Variants in RARB observed in about 807,000 individuals in gnomAD.
The protein encoded by RARB is HBV-activated protein.
Under a neutral mutation model 51.9 loss-of-function variants are expected in RARB, and 17 were observed. The ratio of observed to expected loss-of-function variants is 0.33; its 90% CI spans 0.22 to 0.49. RARB has a LOEUF of 0.49. Ranked by LOEUF, RARB falls within the 20% of genes least tolerant of loss-of-function variation. The probability of loss-of-function intolerance (pLI) is 0.99; values close to 1 mark genes in which losing one functional copy is unlikely to be tolerated. For missense variants in RARB, 369 were observed against 550.8 expected, an observed-to-expected ratio of 0.67 and a Z score of 3.30; for synonymous variants, 215 against 195.4, an observed-to-expected ratio of 1.10 and a Z score of -0.84.
intron 2 of RARB, among the ~76,000 whole-genome samples, chr3:25,005,446 C>T (rs969341731): frequency 6.6e-6 from 1 of 152,120 alleles, no homozygotes; most frequent in African/African-American, 2.4e-5. Context: ...CAAGGTGACT[C>T]GCTTAAAGTG....
At chr3:25,424,318 T>G (rs1463358708), upstream of RARB, among the ~76,000 whole-genome samples, 1 of 152,190 alleles carries the variant, frequency 6.6e-6, no homozygotes, top group Non-Finnish European at 1.5e-5. Flanking sequence ...GTGTTCATAC[T>G]GAAGGGCCAC....
rs1177900116 is a variant in RARB, at chr3:25,428,774, A to T, written c.43A>T (p.Ile15Phe). Reference sequence around the variant, plus strand: ...TGTTCTGTCAGTGAGTCCTGGGCAAATCCTGGATTTCTACACTGCGAGTCC... The same window carrying T: ...TGTTCTGTCAGTGAGTCCTGGGCAATTCCTGGATTTCTACACTGCGAGTCC... ...MDVLSVSPGQ[I>F]LDFYTASPSS... The change falls in exon 1 of 8, where the codon ATC becomes TTC. Residue 15 changes from isoleucine (I) to phenylalanine (F), a missense_variant. Transcript: ENST00000330688. The T allele has an allele frequency of 6.2e-7, 1 of 1,614,080 alleles. No homozygotes were observed. The highest frequency in any genetic ancestry group is 1.1e-5 in the South Asian group (1 of 91,074).
At chr3:25,263,862 A>G (rs896278462) in intron 5 of RARB, among the ~76,000 whole-genome samples, 5 of 152,190 alleles carry the variant, frequency 3.3e-5, no homozygotes, top group African/African-American at 1.2e-4. Context: ...CTCCCAGTCA[A>G]CAAATTCTGT....
intron 5 of RARB, among the ~76,000 whole-genome samples, chr3:25,221,423 A>G (rs1255368107): frequency 6.6e-6 from 1 of 152,218 alleles, no homozygotes; most frequent in African/African-American, 2.4e-5. Context: ...TGTCAGGCCC[A>G]GTACCTTGCC....
intron 3 of RARB, among the ~76,000 whole-genome samples, chr3:25,074,849 G>T (rs182970475): frequency 6.6e-6 from 1 of 152,120 alleles, no homozygotes; most frequent in African/African-American, 2.4e-5. Context: ...ACTGGGGCCA[G>T]GACTCTTTTC....
At chr3:25,120,527 A>ATCTCCCTCTCTC (rs1699766154) in intron 3 of RARB, among the ~76,000 whole-genome samples, 3 of 136,062 alleles carry the variant, frequency 2.2e-5, no homozygotes, top group African/African-American at 8.4e-5. Context: ...ATATATAAAA[A>ATCTCCCTCTCTC]TCTCTCTCTC....
intron 5 of RARB, among the ~76,000 whole-genome samples, chr3:25,175,557 A>G (rs1700726226): frequency 6.6e-6 from 1 of 152,126 alleles, no homozygotes; most frequent in Non-Finnish European, 1.5e-5. Context: ...TCCTTAGCTC[A>G]CCGAAAGCAG....
At chr3:25,180,183 A>G (rs1222172044) in intron 5 of RARB, among the ~76,000 whole-genome samples, 2 of 152,178 alleles carry the variant, frequency 1.3e-5, no homozygotes, top group Admixed American at 6.5e-5. Flanking sequence ...ACTTCTGCCA[A>G]TCACCTTTTT....
At chr3:25,122,923 T>G (rs1351646356) in intron 3 of RARB, among the ~76,000 whole-genome samples, 1 of 152,190 alleles carries the variant, frequency 6.6e-6, no homozygotes, top group African/African-American at 2.4e-5. Flanking sequence ...GTTGGCACCT[T>G]GTCATCTTGA....
intron 2 of RARB, among the ~76,000 whole-genome samples, chr3:24,904,930 C>A (rs13093492): frequency 0.06 from 9,163 of 152,108 alleles, 432 homozygotes; most frequent in East Asian, 0.15. Flanking sequence ...CCAAACACTG[C>A]GTGTTCTCAG....
Position 25,506,409 on chromosome 3 carries a change from C to T in RARB, c.448+5086C>T, listed in dbSNP as rs147365290. 2.1e-3 allele frequency among the ~76,000 whole-genome samples: 322 copies of T among 152,174 alleles called. 3 individuals are homozygous for T. Among genetic ancestry groups the T allele is most frequent in the Non-Finnish European group, 2.5e-3 (167 of 68,000 alleles). ...TCTCTTGAGCCCAGTAGTTTGAGAC[C>T]AGCCTGGGCAACGTGGCAAGACCCC... On this transcript the variant is annotated intron_variant, in intron 3 of 7. Transcript: ENST00000330688.
chr3:25,019,724 C>G (rs758248025), intron 2 of RARB, among the ~76,000 whole-genome samples: 1 of 152,060 alleles, frequency 6.6e-6, no homozygotes, highest in Non-Finnish European at 1.5e-5. Context: ...AAGACTGAGG[C>G]ATAACTTGGT....
chr3:25,442,406 T>TTA (rs1408012144), intron 1 of RARB, among the ~76,000 whole-genome samples: 2 of 152,216 alleles, frequency 1.3e-5, no homozygotes, highest in Non-Finnish European at 2.9e-5. Context: ...AGTGCTGGGA[T>TTA]TACAGGCGTG....
chr3:25,488,071 G>T (rs909831324), intron 2 of RARB, among the ~76,000 whole-genome samples: 3 of 152,152 alleles, frequency 2.0e-5, no homozygotes, highest in Non-Finnish European at 2.9e-5. Flanking sequence ...TGGGGAATTG[G>T]CCCCACAATT....
intron 1 of RARB, among the ~76,000 whole-genome samples, chr3:24,829,463 T>A (rs866387570): frequency 1.8e-3 from 274 of 152,158 alleles, no homozygotes; most frequent in African/African-American, 6.3e-3. Context: ...TCCAAGCCCC[T>A]AGCGTCCCCG....
At chr3:25,479,904 C>T (rs571796430) in intron 2 of RARB, among the ~76,000 whole-genome samples, 4 of 152,242 alleles carry the variant, frequency 2.6e-5, no homozygotes, top group South Asian at 2.1e-4. Context: ...AGTGCAATAA[C>T]GAGGAAGCTG....
At position 25,363,291 on chromosome 3, in the gene RARB, A is replaced by G. The variant is rs1050113298; in HGVS notation, c.179-97902A>G. ...AGTCTGATGGCTCTCCATGATATCT[A>G]TAATTGATGGCTCCCAAATGTTTAC... On this transcript the variant is annotated intron_variant, in intron 5 of 11. Coordinates refer to the RARB transcript ENST00000383772. Among the ~76,000 whole-genome samples, 5 of 152,158 alleles carry G rather than the reference A, an allele frequency of 3.3e-5. 1 individual carries two copies. Among genetic ancestry groups the G allele is most frequent in the South Asian group, 4.1e-4 (2 of 4,826 alleles).
At chr3:25,049,313 C>T (rs557470278) in intron 2 of RARB, among the ~76,000 whole-genome samples, 2 of 152,298 alleles carry the variant, frequency 1.3e-5, no homozygotes, top group Admixed American at 1.3e-4. Context: ...GTCTTCTGCT[C>T]CTACAGACTC....
At chr3:24,969,510 C>G (rs566603881) in intron 2 of RARB, among the ~76,000 whole-genome samples, 2 of 152,122 alleles carry the variant, frequency 1.3e-5, no homozygotes, top group South Asian at 2.1e-4. Flanking sequence ...GTCCACCTTT[C>G]AGGGGTTGAG....
Sources: gnomAD v4.1 joint callset for allele counts (sites outside exome capture counted in the v4.1 genomes callset) on GRCh38, gnomAD v4.1.1 for gene constraint, MANE v1.5 for transcripts, NCBI Gene and HGNC (gene_info 2026-07-23, HGNC 2026-07-21) for gene names.